The following PAK5 variants were observed in gnomAD, a reference collection of about 807,000 sequenced individuals.
PAK5 encodes serine/threonine-protein kinase PAK 5.
PAK5 carries 16 observed loss-of-function variants against 65.9 expected under a neutral mutation model. The observed-to-expected ratio is 0.24, with a 90% CI of 0.16 to 0.37. The LOEUF is 0.37. Among genes scored for constraint, PAK5 ranks in the 10% least tolerant of loss-of-function variants. PAK5 has a pLI of 1.00. For synonymous variants in PAK5, 371 were observed against 354.9 expected (o/e 1.05, Z -0.51); for missense variants, 785 against 903.9 (o/e 0.87, Z 1.69).
intron 3 of PAK5, among the ~76,000 whole-genome samples, chr20:9,601,623 G>A (rs2046360959): frequency 6.6e-6 from 1 of 152,146 alleles, no homozygotes; most frequent in Non-Finnish European, 1.5e-5. Flanking sequence ...CCGTCTGCAT[G>A]TGACTTTTTA....
intron 1 of PAK5, among the ~76,000 whole-genome samples, chr20:9,817,461 A>G (rs577528958): frequency 1.3e-5 from 2 of 152,332 alleles, no homozygotes; most frequent in Admixed American, 1.3e-4. Flanking sequence ...CCCTGGAGAT[A>G]GCAGGCCAAA....
intron 1 of PAK5, among the ~76,000 whole-genome samples, chr20:9,790,653 A>G (rs1276874097): frequency 6.6e-6 from 1 of 152,020 alleles, no homozygotes; most frequent in East Asian, 1.9e-4. Flanking sequence ...CTACAGGTGT[A>G]CAACACAACA....
chr20:9,800,004 A>C (rs1277720142), intron 1 of PAK5, among the ~76,000 whole-genome samples: 1 of 151,800 alleles, frequency 6.6e-6, no homozygotes, highest in East Asian at 1.9e-4. Flanking sequence ...TAGTTGACAA[A>C]TGAAAGATAG....
intron 2 of PAK5, among the ~76,000 whole-genome samples, chr20:9,661,515 T>C (rs548385643): frequency 6.6e-6 from 1 of 152,308 alleles, no homozygotes; most frequent in South Asian, 2.1e-4. Context: ...ATGAATTGTC[T>C]CCAATGACTA....
intron 4 of PAK5, among the ~76,000 whole-genome samples, chr20:9,567,740 C>T (rs1163433420): frequency 6.6e-6 from 1 of 152,252 alleles, no homozygotes; most frequent in East Asian, 1.9e-4. Flanking sequence ...GGGGTTTATG[C>T]TCCAGAGAAG....
chr20:9,674,711 G>T (rs975694073), intron 2 of PAK5, among the ~76,000 whole-genome samples: 1 of 152,192 alleles, frequency 6.6e-6, no homozygotes, highest in Non-Finnish European at 1.5e-5. Context: ...GGAAAGCAGG[G>T]CAGGTGGAAG....
chr20:9,834,997 C>T (rs1758160351), intron 1 of PAK5, among the ~76,000 whole-genome samples: 3 of 152,142 alleles, frequency 2.0e-5, no homozygotes, highest in Non-Finnish European at 4.4e-5. Flanking sequence ...TTCTTAACTT[C>T]TAGCCTAAAT....
At chr20:9,590,623 A>G (rs34127017) in intron 3 of PAK5, among the ~76,000 whole-genome samples, 232 of 114,122 alleles carry the variant, frequency 2.0e-3, no homozygotes, top group African/African-American at 9.0e-3. Flanking sequence ...CTGTGCCAAA[A>G]AAAAAAAAAA....
At chr20:9,664,579 C>T (rs527382118) in intron 2 of PAK5, among the ~76,000 whole-genome samples, 1 of 152,284 alleles carries the variant, frequency 6.6e-6, no homozygotes, top group East Asian at 1.9e-4. Context: ...GCCTTTAACC[C>T]TTAGGGAACA....
At chr20:9,785,156 C>T (rs1007051080) in intron 1 of PAK5, among the ~76,000 whole-genome samples, 2 of 152,060 alleles carry the variant, frequency 1.3e-5, no homozygotes, top group Admixed American at 6.6e-5. Flanking sequence ...CTATGCTCAT[C>T]GTAAGAATTC....
intron 1 of PAK5, among the ~76,000 whole-genome samples, chr20:9,779,046 CT>C (rs527917805): frequency 7.9e-5 from 12 of 152,024 alleles, no homozygotes; most frequent in Non-Finnish European, 5.9e-5. Flanking sequence ...TTTAGCGTCT[CT>C]TTTTTTCATG....
chr20:9,787,224 G>A (rs1270389712), intron 1 of PAK5, among the ~76,000 whole-genome samples: 2 of 152,122 alleles, frequency 1.3e-5, no homozygotes, highest in Non-Finnish European at 2.9e-5. Context: ...GTTTCATAAA[G>A]GTAGTTAGTG....
chr20:9,670,752 C>A (rs1416405674), intron 2 of PAK5, among the ~76,000 whole-genome samples: 1 of 152,068 alleles, frequency 6.6e-6, no homozygotes, highest in Admixed American at 6.6e-5. Context: ...TAGTTTCTTT[C>A]ACTGTGCAGA....
At chr20:9,717,032 C>T (rs1204291867) in intron 1 of PAK5, among the ~76,000 whole-genome samples, 2 of 150,888 alleles carry the variant, frequency 1.3e-5, no homozygotes, top group African/African-American at 4.9e-5. Context: ...TTGCAGTGAG[C>T]TGAGATCATG....
intron 3 of PAK5, among the ~76,000 whole-genome samples, chr20:9,616,572 G>A (rs2046660259): frequency 6.6e-6 from 1 of 152,192 alleles, no homozygotes; most frequent in Non-Finnish European, 1.5e-5. Flanking sequence ...ATCCTTCAGG[G>A]CTGGGCTGGG....
chr20:9,699,440 A>C (rs984194302), intron 2 of PAK5, among the ~76,000 whole-genome samples: 1 of 152,028 alleles, frequency 6.6e-6, no homozygotes, highest in Admixed American at 6.6e-5. Flanking sequence ...AGTTCCTAGT[A>C]GTAGAGAAAT....
intron 4 of PAK5, among the ~76,000 whole-genome samples, chr20:9,571,725 T>G (rs902973919): frequency 6.6e-6 from 1 of 152,176 alleles, no homozygotes; most frequent in African/African-American, 2.4e-5. Flanking sequence ...TTCCTCCATT[T>G]TATAGATAAG....
At chr20:9,734,552 GCACA>G (rs56706449) in intron 1 of PAK5, among the ~76,000 whole-genome samples, 1 of 149,366 alleles carries the variant, frequency 6.7e-6, no homozygotes, top group African/African-American at 2.5e-5. Flanking sequence ...ACGCGCACAT[GCACA>G]CACACACACA....
intron 2 of PAK5, among the ~76,000 whole-genome samples, chr20:9,670,570 C>A (rs1044795160): frequency 3.9e-5 from 6 of 152,186 alleles, no homozygotes; most frequent in African/African-American, 1.4e-4. Flanking sequence ...TAAATGTCTT[C>A]TTTTGAGAAG....
Sources: allele counts gnomAD v4.1 joint callset (sites outside exome capture counted in the v4.1 genomes callset), GRCh38; gene constraint gnomAD v4.1.1; transcripts MANE v1.5; gene names NCBI Gene and HGNC (gene_info 2026-07-23, HGNC 2026-07-21).